The following IL1R2 variants were observed in gnomAD, a reference collection of about 807,000 sequenced individuals.
The protein encoded by IL1R2 is interleukin 1 receptor type 2.
IL1R2 carries 46 observed loss-of-function variants against 39.5 expected under a neutral mutation model. That is an observed-to-expected ratio of 1.16 (90% CI 0.92 to 1.49). The LOEUF is 1.49. IL1R2 is among the 40% of genes most tolerant of loss of function. The pLI, the probability that IL1R2 is intolerant of heterozygous loss-of-function variation, is 0.00. For missense variants in IL1R2, 537 were observed against 502.0 expected, an observed-to-expected ratio of 1.07 and a Z score of -0.67; for synonymous variants, 207 against 189.6, an observed-to-expected ratio of 1.09 and a Z score of -0.75.
Position 102,009,563 on chromosome 2 carries a change from G to C in IL1R2, c.69G>C (p.Gly23=), listed in dbSNP as rs1676482941. 6.2e-7 allele frequency: 1 copy of C among 1,613,660 alleles called. No homozygotes were observed. The highest frequency in any genetic ancestry group is 8.5e-7 in the Non-Finnish European group (1 of 1,179,790). ...AFTLQPAAHT[G]AARSCRFRGR... Reference sequence around the variant, plus strand: ...GACCATGGGCTCTCTGTCCTTCAGGGGCTGCCAGAAGCTGCCGGTTTCGTG... The same window carrying C: ...GACCATGGGCTCTCTGTCCTTCAGGCGCTGCCAGAAGCTGCCGGTTTCGTG... The change falls in exon 3 of 9, where the codon GGG becomes GGC. Residue 23 remains glycine (G), a splice_region_variant and synonymous_variant. Coordinates refer to ENST00000332549, the MANE Select transcript of IL1R2 (RefSeq NM_004633.4).
rs1487265084 is a variant in IL1R2 at position 102,024,578 on chromosome 2, C to T, written c.797C>T (p.Thr266Ile). The T allele has an allele frequency of 1.9e-6, 3 of 1,614,078 alleles. No individual in the cohort carries two copies. The highest frequency in any genetic ancestry group is 2.5e-6 in the Non-Finnish European group (3 of 1,180,006). The change falls in exon 7 of 9, where the codon ACA becomes ATA. Residue 266 changes from threonine (T) to isoleucine (I), a missense_variant. By Grantham distance (89) the Thr-to-Ile change is moderately conservative. Transcript: ENST00000332549. ...TGTAAGGTGTTTCTGGGAACCGGCA[C>T]ACCCTTAACCACCATGCTGTGGTGG... ...IPCKVFLGTGTPLTTMLWWTA... is the reference protein window; with the variant it reads ...IPCKVFLGTGIPLTTMLWWTA...
At chr2:102,009,215 C>T (rs1243272345) in intron 2 of IL1R2, among the ~76,000 whole-genome samples, 1 of 152,066 alleles carries the variant, frequency 6.6e-6, no homozygotes, top group Non-Finnish European at 1.5e-5. Flanking sequence ...CTCAGATTTA[C>T]TTTTAATGAT....
intron 1 of IL1R2, among the ~76,000 whole-genome samples, chr2:102,001,304 C>T (rs1675846175): frequency 6.6e-6 from 1 of 152,228 alleles, no homozygotes; most frequent in Non-Finnish European, 1.5e-5. Context: ...AAAGAGAGCG[C>T]CTATGCCTTG....
chr2:101,997,525 C>A (rs1015840284), intron 1 of IL1R2, among the ~76,000 whole-genome samples: 1 of 152,170 alleles, frequency 6.6e-6, no homozygotes, highest in Non-Finnish European at 1.5e-5. Flanking sequence ...AGTCTTCCCC[C>A]ACTTGGCCTC....
intron 4 of IL1R2, among the ~76,000 whole-genome samples, chr2:102,017,906 A>G (rs1677111501): frequency 6.6e-6 from 1 of 152,236 alleles, no homozygotes; most frequent in Non-Finnish European, 1.5e-5. Flanking sequence ...TGAAAAGTAC[A>G]GTTATTGGCT....
intron 1 of IL1R2, among the ~76,000 whole-genome samples, chr2:101,999,626 C>T (rs1417929364): frequency 1.3e-5 from 2 of 152,162 alleles, no homozygotes; most frequent in African/African-American, 2.4e-5. Flanking sequence ...GAGGTCTCAC[C>T]AGCCCAACCT....
rs1031997209 is a variant in IL1R2 at position 102,015,903 on chromosome 2, A to G, written c.365A>G (p.Glu122Gly). 1 of 1,613,900 alleles carries G rather than the reference A, an allele frequency of 6.2e-7. No individual in the cohort carries two copies. The highest frequency in any genetic ancestry group is 8.5e-7 in the Non-Finnish European group (1 of 1,179,908). ...TCTTACTGTGACAAAATGTCCATTGAGCTCAGAGTTTTTGAGAATACAGAT... is the reference window on the plus strand; with the variant it reads ...TCTTACTGTGACAAAATGTCCATTGGGCTCAGAGTTTTTGAGAATACAGAT... ...NASYCDKMSI[E>G]LRVFENTDAF... The change falls in exon 4 of 9, where the codon GAG becomes GGG. Residue 122 changes from glutamate to glycine, a missense_variant. By Grantham distance (98) the Glu-to-Gly change is moderately conservative. Coordinates refer to ENST00000332549, the MANE Select transcript of IL1R2 (RefSeq NM_004633.4).
At chr2:101,995,140 T>C (rs1028053667) in intron 1 of IL1R2, among the ~76,000 whole-genome samples, 1 of 152,308 alleles carries the variant, frequency 6.6e-6, no homozygotes, top group East Asian at 1.9e-4. Context: ...TTGAAGTTAA[T>C]AAAAAAGGTC....
At chr2:102,005,162 C>G (rs1362902302) in intron 1 of IL1R2, among the ~76,000 whole-genome samples, 1 of 152,158 alleles carries the variant, frequency 6.6e-6, no homozygotes, top group Non-Finnish European at 1.5e-5. Context: ...TTTCTGGTGT[C>G]AAAGTAATTT....
At chr2:102,003,903 C>T (rs111483963) in intron 1 of IL1R2, among the ~76,000 whole-genome samples, 33 of 150,456 alleles carry the variant, frequency 2.2e-4, no homozygotes, top group Non-Finnish European at 4.7e-4. Flanking sequence ...GTCTGTGTCT[C>T]TGTCTGTGTC....
In IL1R2 at chr2:102,008,451, G is replaced by A. The variant is rs144209920; in HGVS notation, c.-61-64G>A. ...AGCTTCCAGACCCTGCCCCTACCCC[G>A]TCTTCAAGGGATTCTCTCTGCAGGG... On this transcript the variant is annotated intron_variant, in intron 1 of 8. Coordinates refer to ENST00000332549, the MANE Select transcript of IL1R2 (RefSeq NM_004633.4). The A allele has an allele frequency of 3.6e-3, 2,771 of 763,704 alleles. 9 individuals carry two copies. The highest frequency in any genetic ancestry group is 0.025 in the Middle Eastern group (66 of 2,690). 47.3% of individuals were successfully genotyped at this position (763,704 alleles called of 1,614,324 possible). A position where few individuals can be genotyped will look rare whatever the true frequency, so the allele number is the denominator to read the frequency against.
intron 1 of IL1R2, among the ~76,000 whole-genome samples, chr2:101,998,546 T>C (rs1675697319): frequency 6.6e-6 from 1 of 152,246 alleles, no homozygotes; most frequent in South Asian, 2.1e-4. Flanking sequence ...ATGTCACGAA[T>C]TTGAGGGCTC....
At chr2:102,009,956 C>G (rs554182056) in intron 3 of IL1R2, 130 bp downstream of exon 3, 1 of 1,090,504 alleles carries the variant, frequency 9.2e-7, no homozygotes, top group South Asian at 1.5e-5. Flanking sequence ...CATTGCATCC[C>G]GTTTGCTGTT....
chr2:102,011,567 T>A (rs189994404), intron 3 of IL1R2, among the ~76,000 whole-genome samples: 127 of 152,366 alleles, frequency 8.3e-4, no homozygotes, highest in African/African-American at 2.8e-3. Context: ...CTTTATGGAC[T>A]CTAAGTCCTT....
chr2:102,028,254 G>A lies in IL1R2; in HGVS notation c.1059G>A (p.Val353=). 6.2e-7 allele frequency: 1 copy of A among 1,611,944 alleles called. No homozygotes were observed. The highest frequency in any genetic ancestry group is 8.5e-7 in the Non-Finnish European group (1 of 1,179,104). ...CCTCCACGTTCTCCTGGGGCATTGT[G>A]CTGGCCCCACTTTCACTGGCCTTCT... ...EASSTFSWGI[V]LAPLSLAFLV... is the part of the protein sequence containing the mutation. Residue 353 remains valine (V), a synonymous_variant, in exon 9 of 9, where the codon GTG becomes GTA. Coordinates refer to ENST00000332549, the MANE Select transcript of IL1R2 (RefSeq NM_004633.4).
chr2:102,011,721 A>C (rs904290020), intron 3 of IL1R2, among the ~76,000 whole-genome samples: 3 of 152,202 alleles, frequency 2.0e-5, no homozygotes, highest in Non-Finnish European at 4.4e-5. Flanking sequence ...CATTCTGTTC[A>C]TAGTGTCATT....
chr2:101,995,032 G>A (rs940748803), intron 1 of IL1R2, among the ~76,000 whole-genome samples: 4 of 152,226 alleles, frequency 2.6e-5, no homozygotes, highest in Non-Finnish European at 4.4e-5. Context: ...CTTGTGGGAT[G>A]TGTGAATAGA....
chr2:102,010,789 A>G (rs964435402), intron 3 of IL1R2, among the ~76,000 whole-genome samples: 2 of 152,098 alleles, frequency 1.3e-5, no homozygotes, highest in Non-Finnish European at 2.9e-5. Context: ...ATCATCTTAA[A>G]CAGTTTTTAG....
intron 7 of IL1R2, among the ~76,000 whole-genome samples, chr2:102,025,739 A>G (rs1190470927): frequency 6.6e-6 from 1 of 152,132 alleles, no homozygotes; most frequent in East Asian, 1.9e-4. Flanking sequence ...TTCAATATAC[A>G]AGTGATTTAA....
Sources: allele counts gnomAD v4.1 joint callset (sites outside exome capture counted in the v4.1 genomes callset), GRCh38; gene constraint gnomAD v4.1.1; transcripts MANE v1.5; gene names NCBI Gene and HGNC (gene_info 2026-07-23, HGNC 2026-07-21).